The following SCGB2A2 variants were observed in gnomAD, a reference collection of about 807,000 sequenced individuals.
SCGB2A2 encodes mammaglobin-A.
SCGB2A2 carries 11 observed loss-of-function variants against 8.8 expected under a neutral mutation model. The observed-to-expected ratio is 1.25, with a 90% CI of 0.79 to 2.07. The LOEUF (loss-of-function observed/expected upper bound fraction) is 2.07. Ranked by LOEUF, SCGB2A2 falls within the 30% of genes most tolerant of loss-of-function variation. The pLI is 0.00. For missense variants in SCGB2A2, 113 were observed against 109.9 expected (o/e 1.03, Z -0.13); for synonymous variants, 42 against 40.9 (o/e 1.03, Z -0.10).
chr11:62,270,706 T>A (rs1236045209), intron 1 of SCGB2A2, among the ~76,000 whole-genome samples, 175 bp from the exon 2 acceptor site: 1 of 152,216 alleles, frequency 6.6e-6, no homozygotes, highest in Non-Finnish European at 1.5e-5. Flanking sequence ...TTGCAGGGCT[T>A]ACAGGAAATC....
At chr11:62,271,815 T>G in intron 2 of SCGB2A2, 1 of 984,744 alleles carries the variant, frequency 1.0e-6, no homozygotes, top group Non-Finnish European at 1.2e-6. Flanking sequence ...TAAAAAGAAT[T>G]TAAAATGCAC....
At chr11:62,271,618 C>G (rs754681287) in intron 2 of SCGB2A2, 2 of 1,022,258 alleles carry the variant, frequency 2.0e-6, no homozygotes, top group Non-Finnish European at 2.3e-6. Flanking sequence ...CACTCAGACA[C>G]ACACATACAA....
In SCGB2A2 at chr11:62,271,158, T is replaced by C. The variant is rs754141112; in HGVS notation, c.243+90T>C. The C allele has an allele frequency of 6.8e-6, 11 of 1,607,094 alleles. No homozygotes were observed. The African/African-American group carries it at 1.1e-4, about 16-fold the overall frequency. On this transcript the variant is annotated intron_variant, in intron 2 of 2. Transcript: ENST00000227918. ...TTCTCACTGACAATGCCAAAGCCAC[T>C]AGTGAACAAGCCTTTTCTTACATTG...
chr11:62,272,647 C>CT (rs71886885), intron 2 of SCGB2A2, among the ~76,000 whole-genome samples: 27,771 of 94,412 alleles, frequency 0.29, 4,462 homozygotes, highest in Non-Finnish European at 0.38. Context: ...CAAAGTTTCA[C>CT]TTTTTTTTTT....
intron 2 of SCGB2A2, 47 bp downstream of exon 2, chr11:62,271,115 G>T (rs769134446): frequency 9.3e-6 from 15 of 1,612,716 alleles, no homozygotes; most frequent in African/African-American, 1.3e-5. Context: ...CCTGACCAGG[G>T]ACAAGTGGGC....
intron 1 of SCGB2A2, 151 bp from the exon 2 acceptor site, chr11:62,270,729 GT>G: frequency 1.5e-6 from 1 of 645,740 alleles, no homozygotes; most frequent in Non-Finnish European, 2.6e-6. Context: ...AGAGCCTGAG[GT>G]TTTCTCCCAG....
intron 2 of SCGB2A2, among the ~76,000 whole-genome samples, chr11:62,272,629 C>T (rs1336653698): frequency 1.4e-5 from 2 of 141,616 alleles, no homozygotes; most frequent in African/African-American, 5.2e-5. Flanking sequence ...GAGGGTTAGA[C>T]GAGAGCTCAA....
At chr11:62,270,752 C>G in intron 1 of SCGB2A2, 129 bp from the exon 2 acceptor site, 2 of 717,508 alleles carry the variant, frequency 2.8e-6, no homozygotes, top group African/African-American at 1.8e-5. Flanking sequence ...TTTGAGAACT[C>G]TAGATTCTGC....
At chr11:62,271,544 GACACAA>G (rs1945279178) in intron 2 of SCGB2A2, 16 of 1,112,326 alleles carry the variant, frequency 1.4e-5, no homozygotes, top group Middle Eastern at 8.0e-4. Flanking sequence ...CAATCATCCA[GACACAA>G]ACACAAACAC....
intron 2 of SCGB2A2, 52 bp downstream of exon 2, chr11:62,271,120 G>C: frequency 6.2e-7 from 1 of 1,612,312 alleles, no homozygotes; most frequent in Non-Finnish European, 8.5e-7. Flanking sequence ...CCAGGGACAA[G>C]TGGGCTCTTC....
At chr11:62,271,380 CACAA>C in intron 2 of SCGB2A2, 1 of 1,433,030 alleles carries the variant, frequency 7.0e-7, no homozygotes, top group Non-Finnish European at 9.1e-7. Context: ...GACACAATCA[CACAA>C]ACACAGAAAC....
chr11:62,271,652 A>C (rs1456671300), intron 2 of SCGB2A2: 2 of 994,580 alleles, frequency 2.0e-6, no homozygotes, highest in African/African-American at 3.5e-5. Flanking sequence ...CTCTACAGAA[A>C]AAACAATTTT....
chr11:62,270,355 C>T, intron 1 of SCGB2A2, 84 bp downstream of exon 1: 4 of 1,218,462 alleles, frequency 3.3e-6, no homozygotes, highest in Non-Finnish European at 4.8e-6. Context: ...CCCCAATTCT[C>T]AGCAGAGATC....
Position 62,270,343 on chromosome 11 carries a change from C to A in SCGB2A2, c.55+72C>A, listed in dbSNP as rs1945267488. The A allele has an allele frequency of 1.4e-5, 18 of 1,330,528 alleles. No individual in the cohort carries two copies. The South Asian group carries it at 1.6e-4, about 12-fold the overall frequency. 82.4% of individuals were successfully genotyped at this position (1,330,528 alleles called of 1,614,324 possible). The stretch of plus-strand genomic sequence containing the variant: ...TTGGGCCTCTATGGAAGAACTCCTG[C>A]TCCCCAATTCTCAGCAGAGATCAGC... On this transcript the variant is annotated intron_variant, in intron 1 of 2. Coordinates refer to ENST00000227918, the MANE Select transcript of SCGB2A2 (RefSeq NM_002411.4).
At chr11:62,271,375 A>G in intron 2 of SCGB2A2, 1 of 1,433,878 alleles carries the variant, frequency 7.0e-7, no homozygotes, top group Non-Finnish European at 9.1e-7. Context: ...ACACAGACAC[A>G]ATCACACAAA....
chr11:62,271,790 T>G (rs1214234627), intron 2 of SCGB2A2: 19 of 984,536 alleles, frequency 1.9e-5, no homozygotes, highest in Non-Finnish European at 2.1e-5. Flanking sequence ...TGAGCAAGAT[T>G]CTATACATCT....
In SCGB2A2 at chr11:62,271,029, C is replaced by T. The variant is rs79158868; in HGVS notation, c.204C>T (p.Asn68=). The T allele has an allele frequency of 1.2e-6, 2 of 1,614,208 alleles. No individual in the cohort carries two copies. Among genetic ancestry groups the T allele is most frequent in the Middle Eastern group, 3.3e-4 (2 of 6,062 alleles). Residue 68 remains asparagine, a synonymous_variant, in exon 2 of 3, where the codon AAC becomes AAT. Transcript: ENST00000227918. ...ATGAATTGAAGGAATGTTTTCTTAA[C>T]CAAACGGATGAAACTCTGAGCAATG... is the stretch of plus-strand genomic sequence containing the variant. ...AIDELKECFL[N]QTDETLSNVE... is the part of the protein sequence containing the mutation.
At chr11:62,270,401 C>A in intron 1 of SCGB2A2, 130 bp downstream of exon 1, 1 of 835,612 alleles carries the variant, frequency 1.2e-6, no homozygotes, top group Non-Finnish European at 1.9e-6. Flanking sequence ...TAACAGATCT[C>A]ACCATGTTGC....
Position 62,271,029 on chromosome 11 carries a change from C to G in SCGB2A2, c.204C>G (p.Asn68Lys). ...ATGAATTGAAGGAATGTTTTCTTAA[C>G]CAAACGGATGAAACTCTGAGCAATG... ...AIDELKECFL[N>K]QTDETLSNVE... Residue 68 changes from asparagine to lysine, a missense_variant, in exon 2 of 3, where the codon AAC (asparagine) becomes AAG (lysine). Coordinates refer to ENST00000227918, the MANE Select transcript of SCGB2A2 (RefSeq NM_002411.4). 2.5e-6 allele frequency: 4 copies of G among 1,614,208 alleles called. No homozygotes were observed. The highest frequency in any genetic ancestry group is 3.4e-6 in the Non-Finnish European group (4 of 1,180,034).
Sources: allele counts gnomAD v4.1 joint callset (sites outside exome capture counted in the v4.1 genomes callset), GRCh38; gene constraint gnomAD v4.1.1; transcripts MANE v1.5; gene names NCBI Gene and HGNC (gene_info 2026-07-23, HGNC 2026-07-21).